The following RIPOR3 variants were observed in gnomAD, a reference collection of about 807,000 sequenced individuals.
RIPOR3 encodes family with sequence similarity 65 member C.
A neutral mutation model predicts 114.3 loss-of-function variants in RIPOR3; 95 were observed. The ratio of observed to expected loss-of-function variants is 0.83; its 90% CI spans 0.70 to 0.99. The LOEUF (loss-of-function observed/expected upper bound fraction) is 0.99. RIPOR3 is among the 50% of genes least tolerant of loss of function. The pLI is 0.00. For missense variants in RIPOR3, 1,252 were observed against 1,266.9 expected, an observed-to-expected ratio of 0.99 and a Z score of 0.18; for synonymous variants, 575 against 543.8, an observed-to-expected ratio of 1.06 and a Z score of -0.80.
intron 1 of RIPOR3, among the ~76,000 whole-genome samples, 188 bp downstream of exon 1, chr20:50,690,938 T>C (rs2087191037): frequency 6.6e-6 from 1 of 152,184 alleles, no homozygotes; most frequent in Admixed American, 6.5e-5. Flanking sequence ...GCAAATAACT[T>C]GCCTAAGGCC....
intron 8 of RIPOR3, 57 bp downstream of exon 8, chr20:50,609,236 G>T: frequency 6.3e-7 from 1 of 1,586,412 alleles, no homozygotes; most frequent in South Asian, 1.1e-5. Flanking sequence ...GTGCCCCTCA[G>T]CAGAAGTCTC....
At chr20:50,594,855 T>C (rs768810631) in intron 16 of RIPOR3, 141 bp from the exon 17 acceptor site, 1 of 943,334 alleles carries the variant, frequency 1.1e-6, no homozygotes, top group Non-Finnish European at 1.5e-6. Flanking sequence ...TTCCCTGCAT[T>C]CCCATGTGAC....
rs757247670 is a variant in RIPOR3 at position 50,630,733 on chromosome 20, C to G, written c.122+5G>C. ...ACCCCGAAACAGGACACGGGGGGAA[C>G]TTACGCGATCCTCCGGCTCTGTGCA... On this transcript the variant is annotated splice_donor_5th_base_variant and intron_variant, in intron 2 of 21. Transcript: ENST00000327979. 6.2e-7 allele frequency: 1 copy of G among 1,602,094 alleles called. No homozygotes were observed. Among genetic ancestry groups the G allele is most frequent in the East Asian group, 2.3e-5 (1 of 44,194 alleles).
chr20:50,671,758 G>T (rs1021596536), intron 1 of RIPOR3, among the ~76,000 whole-genome samples: 1 of 151,736 alleles, frequency 6.6e-6, no homozygotes, highest in Non-Finnish European at 1.5e-5. Flanking sequence ...ATGGTTGGGT[G>T]GGTGAATAGA....
chr20:50,666,104 G>A (rs1051896203), intron 1 of RIPOR3, among the ~76,000 whole-genome samples: 4 of 151,056 alleles, frequency 2.6e-5, no homozygotes, highest in Non-Finnish European at 5.9e-5. Flanking sequence ...TAACATGACA[G>A]TGAACATCTA....
chr20:50,688,162 T>A (rs912417008), intron 1 of RIPOR3, among the ~76,000 whole-genome samples: 2 of 152,166 alleles, frequency 1.3e-5, no homozygotes, highest in African/African-American at 2.4e-5. Context: ...TGTATTTTTA[T>A]TTTTTTGAGA....
chr20:50,640,908 C>CTTCTT (rs1343760951), intron 1 of RIPOR3, among the ~76,000 whole-genome samples: 3 of 134,490 alleles, frequency 2.2e-5, no homozygotes, highest in African/African-American at 8.1e-5. Context: ...ATATGCACTT[C>CTTCTT]TTTTTTTTTT....
intron 1 of RIPOR3, among the ~76,000 whole-genome samples, chr20:50,689,427 T>C (rs1472957739): frequency 6.6e-6 from 1 of 152,146 alleles, no homozygotes; most frequent in Non-Finnish European, 1.5e-5. Flanking sequence ...CCGCCTGCCT[T>C]GGCCTCTCAA....
intron 1 of RIPOR3, among the ~76,000 whole-genome samples, chr20:50,664,061 G>A (rs2086102545): frequency 6.6e-6 from 1 of 151,792 alleles, no homozygotes; most frequent in Non-Finnish European, 1.5e-5. Context: ...CGACTTGCTG[G>A]GATTACAGGC....
chr20:50,655,766 C>T (rs1600697743), intron 1 of RIPOR3, among the ~76,000 whole-genome samples: 1 of 152,024 alleles, frequency 6.6e-6, no homozygotes, highest in East Asian at 1.9e-4. Context: ...ACACTCTGCT[C>T]TTCTTTAACC....
intron 1 of RIPOR3, among the ~76,000 whole-genome samples, chr20:50,652,590 C>CAAAAAAAAAAAAAAAAA (rs11470456): frequency 1.5e-4 from 13 of 87,304 alleles, no homozygotes; most frequent in Admixed American, 2.7e-4. Context: ...GATTCTGTCT[C>CAAAAAAAAAAAAAAAAA]AAAAAAAAAA....
chr20:50,671,001 C>A (rs1169592909), intron 1 of RIPOR3, among the ~76,000 whole-genome samples: 4 of 152,096 alleles, frequency 2.6e-5, no homozygotes, highest in African/African-American at 9.7e-5. Context: ...GATCTCCGCT[C>A]ACTGCAACCT....
rs1252284302 is a variant in RIPOR3 at position 50,587,268 on chromosome 20, A to G, written c.2817T>C (p.Phe939=). 8.1e-6 allele frequency: 13 copies of G among 1,614,254 alleles called. No homozygotes were observed. Among genetic ancestry groups the G allele is most frequent in the Non-Finnish European group, 1.1e-5 (13 of 1,180,040 alleles). Residue 939 remains phenylalanine (F), a synonymous_variant, in exon 22 of 22, where the codon TTT becomes TTC. Coordinates refer to ENST00000327979, the MANE Select transcript of RIPOR3 (RefSeq NM_001290268.2). ...DKLCSEQREV[F]CQEADVEITI... is the part of the protein sequence containing the mutation. Reference sequence around the variant, plus strand: ...TGATTTCAACATCTGCCTCCTGGCAAAAGACTTCTCTTTGTTCTGAGCAGA... The same window carrying G: ...TGATTTCAACATCTGCCTCCTGGCAGAAGACTTCTCTTTGTTCTGAGCAGA...
chr20:50,613,485 T>TA (rs2084046539), intron 4 of RIPOR3, among the ~76,000 whole-genome samples: 1 of 151,352 alleles, frequency 6.6e-6, no homozygotes. Flanking sequence ...AAGAAATAAA[T>TA]AAAGAAAGAG....
rs967328274 is a variant in RIPOR3, at chr20:50,589,631, C to A, written c.2661+55G>T. 8 of 1,571,678 alleles carry A rather than the reference C, an allele frequency of 5.1e-6. No homozygotes were observed. The African/African-American group carries it at 1.1e-4, about 21-fold the overall frequency. On this transcript the variant is annotated intron_variant, in intron 20 of 21. Coordinates refer to ENST00000327979, the MANE Select transcript of RIPOR3 (RefSeq NM_001290268.2). ...CATTTTGAAGTTAACTAACCTTAACCCTAACCACAAGCAGGCTTTTCTATC... is the reference window on the plus strand; with the variant it reads ...CATTTTGAAGTTAACTAACCTTAACACTAACCACAAGCAGGCTTTTCTATC...
rs886114439 is a variant in RIPOR3 at position 50,593,128 on chromosome 20, C to T, written c.2281G>A (p.Glu761Lys). 6.2e-7 allele frequency: 1 copy of T among 1,613,968 alleles called. No individual in the cohort carries two copies. The highest frequency in any genetic ancestry group is 8.5e-7 in the Non-Finnish European group (1 of 1,180,018). The part of the protein sequence containing the change: ...GLLPGAGLPE[E>K]QIITWFQFHS... ...AACTGGAACCAGGTAATGATCTGTT[C>T]TTCTGGGAGCCCAGCTCCGGGGAGC... Residue 761 changes from glutamate (E) to lysine (K), a missense_variant, in exon 18 of 22, where the codon GAA (glutamate) becomes AAA (lysine). Transcript: ENST00000327979.
intron 2 of RIPOR3, among the ~76,000 whole-genome samples, chr20:50,627,168 A>C (rs969238575): frequency 5.3e-5 from 8 of 151,386 alleles, no homozygotes; most frequent in African/African-American, 1.7e-4. Flanking sequence ...ACAGAGCAAG[A>C]CTCTGTCTCA....
At chr20:50,603,336 T>C (rs1291432720) in intron 12 of RIPOR3, among the ~76,000 whole-genome samples, 8 of 152,182 alleles carry the variant, frequency 5.3e-5, no homozygotes, top group African/African-American at 1.9e-4. Flanking sequence ...TCTCCTGGGC[T>C]CAAGCAATTC....
At chr20:50,587,483 C>A in intron 21 of RIPOR3, 151 bp from the exon 22 acceptor site, 1 of 671,168 alleles carries the variant, frequency 1.5e-6, no homozygotes. Flanking sequence ...GAGCCCCCAC[C>A]TGGTGACTCA....
Sources: allele counts gnomAD v4.1 joint callset (sites outside exome capture counted in the v4.1 genomes callset), GRCh38; gene constraint gnomAD v4.1.1; transcripts MANE v1.5; gene names NCBI Gene and HGNC (gene_info 2026-07-23, HGNC 2026-07-21).